DOCK4: variants seen among roughly 807,000 people sequenced by gnomAD.
The protein encoded by DOCK4 is dedicator of cytokinesis protein 4.
In DOCK4, 97 loss-of-function variants were observed where a neutral mutation model predicts 268.1. The ratio of observed to expected loss-of-function variants is 0.36; its 90% CI spans 0.31 to 0.43. The LOEUF (loss-of-function observed/expected upper bound fraction) is 0.43. Ranked by LOEUF, DOCK4 falls within the 20% of genes least tolerant of loss-of-function variation. The pLI, the probability that DOCK4 is intolerant of heterozygous loss-of-function variation, is 1.00. For synonymous variants in DOCK4, 954 were observed against 887.2 expected, an observed-to-expected ratio of 1.08 and a Z score of -1.34; for missense variants, 2,145 against 2,455.7, an observed-to-expected ratio of 0.87 and a Z score of 2.67.
In DOCK4 at chr7:111,726,345, T is replaced by C. The variant is rs1585787336; in HGVS notation, c.*1929A>G. ...GCCCAAGCACTAGTCAACAAATCTA[T>C]TAAATTACACAGGAAAAGGAAATCA... On this transcript the variant is annotated 3_prime_UTR_variant, in exon 53 of 53. Coordinates refer to ENST00000428084, the MANE Select transcript of DOCK4 (RefSeq NM_001363540.2). 1 of 152,600 alleles carries C rather than the reference T, an allele frequency of 6.6e-6. No homozygotes were observed. Among genetic ancestry groups the C allele is most frequent in the South Asian group, 2.1e-4 (1 of 4,828 alleles). 9.5% of individuals were successfully genotyped at this position (152,600 alleles called of 1,614,324 possible). A position where few individuals can be genotyped will look rare whatever the true frequency, so the allele number is the denominator to read the frequency against.
intron 11 of DOCK4, among the ~76,000 whole-genome samples, chr7:111,936,485 AATGG>A (rs56276228): frequency 0.23 from 33,419 of 148,020 alleles, 4,487 homozygotes; most frequent in African/African-American, 0.39. Flanking sequence ...CAGTGGTATG[AATGG>A]ATGGATGGAT....
chr7:112,025,864 TGAGA>T (rs1245629377), intron 1 of DOCK4, among the ~76,000 whole-genome samples: 1 of 152,188 alleles, frequency 6.6e-6, no homozygotes, highest in African/African-American at 2.4e-5. Flanking sequence ...TAGACTCAAC[TGAGA>T]GAGTGTCCCC....
chr7:111,785,932 A>G (rs1465482922), intron 32 of DOCK4, among the ~76,000 whole-genome samples: 1 of 152,114 alleles, frequency 6.6e-6, no homozygotes, highest in Non-Finnish European at 1.5e-5. Context: ...TTTTCACTCT[A>G]TGAAAGAAAT....
chr7:111,981,000 T>A (rs1798569924), intron 7 of DOCK4, among the ~76,000 whole-genome samples: 1 of 152,254 alleles, frequency 6.6e-6, no homozygotes, highest in African/African-American at 2.4e-5. Context: ...TTAGCACTTT[T>A]ACTGCTTAAA....
At chr7:111,784,360 A>G (rs1799016863) in intron 32 of DOCK4, 1 of 682,400 alleles carries the variant, frequency 1.5e-6, no homozygotes, top group Non-Finnish European at 2.7e-6. Flanking sequence ...ATCTTGCTTT[A>G]TTCACATAAA....
At chr7:112,133,518 A>G (rs1814008350) in intron 1 of DOCK4, among the ~76,000 whole-genome samples, 1 of 152,020 alleles carries the variant, frequency 6.6e-6, no homozygotes, top group African/African-American at 2.4e-5. Flanking sequence ...TATCACTTGA[A>G]CTAAGGAGTT....
chr7:111,993,241 G>T, intron 5 of DOCK4, among the ~76,000 whole-genome samples: 1 of 152,228 alleles, frequency 6.6e-6, no homozygotes. Flanking sequence ...TTTTTTCCTC[G>T]ACAGGCTGTT....
intron 36 of DOCK4, among the ~76,000 whole-genome samples, chr7:111,772,804 A>G (rs1184339684): frequency 6.6e-6 from 1 of 152,130 alleles, no homozygotes; most frequent in Non-Finnish European, 1.5e-5. Flanking sequence ...CTCAAAAACA[A>G]AAACAAAACC....
chr7:111,758,853 C>A, intron 40 of DOCK4, 63 bp from the exon 41 acceptor site: 2 of 1,512,004 alleles, frequency 1.3e-6, no homozygotes, highest in Non-Finnish European at 1.8e-6. Flanking sequence ...CTGGCTTGGG[C>A]TGAGCTATGG....
At chr7:111,877,696 C>A (rs905482727) in intron 16 of DOCK4, among the ~76,000 whole-genome samples, 2 of 152,118 alleles carry the variant, frequency 1.3e-5, no homozygotes, top group African/African-American at 2.4e-5. Flanking sequence ...ATTTGAGAGT[C>A]CTACTATGTG....
At chr7:111,907,892 C>T (rs557107601) in intron 13 of DOCK4, among the ~76,000 whole-genome samples, 2 of 152,120 alleles carry the variant, frequency 1.3e-5, no homozygotes, top group African/African-American at 4.8e-5. Flanking sequence ...CCATGCCTGG[C>T]TAATTTTTGT....
chr7:112,100,894 C>T (rs1434134327), intron 1 of DOCK4, among the ~76,000 whole-genome samples: 1 of 152,168 alleles, frequency 6.6e-6, no homozygotes, highest in Admixed American at 6.5e-5. Context: ...ATAAGGGAAG[C>T]ATTTAAAATA....
intron 12 of DOCK4, among the ~76,000 whole-genome samples, chr7:111,921,226 T>C (rs1041636185): frequency 2.6e-5 from 4 of 152,172 alleles, no homozygotes; most frequent in Non-Finnish European, 5.9e-5. Context: ...ACAAAAGGCA[T>C]AGTCATTAAT....
intron 15 of DOCK4, 111 bp downstream of exon 15, chr7:111,900,261 CTG>C: frequency 1.5e-6 from 2 of 1,291,016 alleles, no homozygotes; most frequent in Non-Finnish European, 2.1e-6. Context: ...ATGGAACAAA[CTG>C]ATTTTTACAA....
intron 39 of DOCK4, among the ~76,000 whole-genome samples, chr7:111,761,738 T>C (rs746099676): frequency 6.6e-6 from 1 of 152,164 alleles, no homozygotes. Flanking sequence ...CAGCAGGAAC[T>C]GGGCTGGATA....
At chr7:111,767,501 A>G (rs1248659661) in intron 37 of DOCK4, among the ~76,000 whole-genome samples, 1 of 152,126 alleles carries the variant, frequency 6.6e-6, no homozygotes, top group Non-Finnish European at 1.5e-5. Context: ...CTGGGGTTAC[A>G]GGCATGAGCC....
chr7:111,813,210 A>T (rs1563539775), intron 27 of DOCK4, among the ~76,000 whole-genome samples: 1 of 152,192 alleles, frequency 6.6e-6, no homozygotes, highest in Admixed American at 6.5e-5. Flanking sequence ...GTAAAGCCTC[A>T]GTTCTCTTCA....
chr7:112,009,014 G>T (rs568997768), intron 1 of DOCK4, among the ~76,000 whole-genome samples: 1 of 152,008 alleles, frequency 6.6e-6, no homozygotes, highest in African/African-American at 2.4e-5. Context: ...AACAAACAAA[G>T]AATTATTATA....
At chr7:111,889,650 T>G (rs1808132470) in intron 16 of DOCK4, among the ~76,000 whole-genome samples, 1 of 152,156 alleles carries the variant, frequency 6.6e-6, no homozygotes, top group Non-Finnish European at 1.5e-5. Context: ...CATAAGAACC[T>G]GAAAACTTGT....
Sources: gnomAD v4.1 joint callset for allele counts (sites outside exome capture counted in the v4.1 genomes callset) on GRCh38, gnomAD v4.1.1 for gene constraint, MANE v1.5 for transcripts, NCBI Gene and HGNC (gene_info 2026-07-23, HGNC 2026-07-21) for gene names.